The following DNAH5 variants were observed in gnomAD, a reference collection of about 807,000 sequenced individuals.
DNAH5 encodes the protein dynein axonemal heavy chain 5.
A neutral mutation model predicts 518.2 loss-of-function variants in DNAH5; 372 were observed. The observed-to-expected ratio is 0.72, with a 90% CI of 0.66 to 0.78. DNAH5 has a LOEUF of 0.78. Among genes scored for constraint, DNAH5 ranks in the 30% least tolerant of loss-of-function variants. The pLI, the probability that DNAH5 is intolerant of heterozygous loss-of-function variation, is 0.00. For missense variants in DNAH5, 5,523 were observed against 5,687.0 expected (o/e 0.97, Z 0.93); for synonymous variants, 2,039 against 2,025.9 (o/e 1.01, Z -0.17).
intron 60 of DNAH5, among the ~76,000 whole-genome samples, chr5:13,762,499 A>G (rs1237252927): frequency 1.3e-5 from 2 of 152,156 alleles, no homozygotes; most frequent in African/African-American, 4.8e-5. Context: ...GCATCCTTGT[A>G]GAGAGTCTGT....
At chr5:13,824,475 A>G (rs535294506) in intron 38 of DNAH5, 142 bp from the exon 39 acceptor site, 10 of 765,466 alleles carry the variant, frequency 1.3e-5, no homozygotes, top group Non-Finnish European at 2.0e-5. Context: ...ATGGGGTAAA[A>G]TATTTCTATA....
At chr5:13,927,989 C>T (rs1168505286) in intron 3 of DNAH5, 105 bp downstream of exon 3, 19 of 957,474 alleles carry the variant, frequency 2.0e-5, no homozygotes, top group African/African-American at 8.0e-5. Context: ...CCCTCCCGCC[C>T]GCAAGGTGAA....
chr5:13,844,694 C>T lies in DNAH5; in HGVS notation c.5271+143G>A, dbSNP rs979381738. ...ACAGTTCTGAAGGTAAATTGGGCCC[C>T]GAGATTTGTTTTTAGTCACTGGCCA... is the stretch of plus-strand genomic sequence containing the variant. On this transcript the variant is annotated intron_variant, in intron 32 of 78. Transcript: ENST00000265104. The T allele has an allele frequency of 4.5e-5, 46 of 1,022,694 alleles. 1 individual carries two copies. The highest frequency in any genetic ancestry group is 3.0e-4 in the Middle Eastern group (1 of 3,286). The allele number at this position is 1,022,694 out of a possible 1,614,324, so 63.4% of individuals were successfully genotyped here.
chr5:13,701,173 CA>C, intron 77 of DNAH5, 110 bp downstream of exon 77: 1 of 1,472,026 alleles, frequency 6.8e-7, no homozygotes, highest in Non-Finnish European at 9.5e-7. Flanking sequence ...CTGCTAGTAC[CA>C]AAAAGAGACA....
In DNAH5 at chr5:13,904,143, G is replaced by A. The variant is rs975748304; in HGVS notation, c.1645-2005C>T. 2.0e-5 allele frequency among the ~76,000 whole-genome samples: 3 copies of A among 148,780 alleles called. No homozygotes were observed. In the South Asian group the frequency reaches 6.4e-4, roughly 32 times the overall value. ...CAATATTAAAAATATAAATAGAAGA[G>A]GAATAAAGAGAATAACAAAATTTAA... On this transcript the variant is annotated intron_variant, in intron 12 of 78. Transcript: ENST00000265104.
chr5:13,721,203 C>T lies in DNAH5; in HGVS notation c.12076G>A (p.Glu4026Lys), dbSNP rs776854779. Reference sequence around the variant, plus strand: ...TTCTCCAAGTCTAAAATAACACCTTCGGCATATTTTTCTCCCATGGAGTCC... The same window carrying T: ...TTCTCCAAGTCTAAAATAACACCTTTGGCATATTTTTCTCCCATGGAGTCC... ...IVDSMGEKYA[E>K]GVILDLEKTW... Residue 4026 changes from glutamate to lysine, a missense_variant, in exon 71 of 79, where the codon GAA becomes AAA. This residue lies in a region of DNAH5 where 5,121 missense variants were observed against 5,223.3 expected (regional missense o/e 0.98). Coordinates refer to ENST00000265104, the MANE Select transcript of DNAH5 (RefSeq NM_001369.3). 5.0e-5 allele frequency: 80 copies of T among 1,613,996 alleles called. No individual in the cohort carries two copies. The Admixed American group carries it at 8.0e-4, about 16-fold the overall frequency.
intron 51 of DNAH5, among the ~76,000 whole-genome samples, chr5:13,787,784 G>A (rs1349096477): frequency 6.6e-6 from 1 of 152,128 alleles, no homozygotes; most frequent in African/African-American, 2.4e-5. Context: ...TTCTGCAGAA[G>A]GATCATTCCA....
At chr5:13,937,780 C>T (rs551440458) in intron 1 of DNAH5, among the ~76,000 whole-genome samples, 1 of 152,112 alleles carries the variant, frequency 6.6e-6, no homozygotes, top group Non-Finnish European at 1.5e-5. Context: ...CAGTTGCACA[C>T]GTTGAAATGA....
Position 13,807,640 on chromosome 5 carries a change from A to G in DNAH5, c.7838T>C (p.Met2613Thr). The G allele has an allele frequency of 6.2e-7, 1 of 1,612,860 alleles. No individual in the cohort carries two copies. ...FMSKYDPECH[M>T]IKSLNFSSAT... ...AGAAGAAAAATTCAGACTCTTGATC[A>G]TGTGACATTCAGGATCATATTTTGA... The change falls in exon 47 of 79, where the codon ATG (methionine) becomes ACG (threonine). Residue 2613 changes from methionine to threonine, a missense_variant. Transcript: ENST00000265104.
intron 40 of DNAH5, among the ~76,000 whole-genome samples, chr5:13,822,232 A>G (rs917229329): frequency 2.1e-5 from 3 of 143,932 alleles, no homozygotes; most frequent in Non-Finnish European, 4.6e-5. Context: ...CTACATTTTG[A>G]TTTCCTTTTT....
At chr5:13,779,733 C>T (rs1412462010) in intron 53 of DNAH5, among the ~76,000 whole-genome samples, 1 of 152,136 alleles carries the variant, frequency 6.6e-6, no homozygotes, top group Non-Finnish European at 1.5e-5. Flanking sequence ...TGATAAGAAG[C>T]AGCACCATCT....
Position 13,882,961 on chromosome 5 carries a change from C to G in DNAH5, c.3117G>C (p.Glu1039Asp), listed in dbSNP as rs770452474. The change falls in exon 20 of 79, where the codon GAG becomes GAC. Residue 1039 changes from glutamate to aspartate, a missense_variant. Coordinates refer to ENST00000265104, the MANE Select transcript of DNAH5 (RefSeq NM_001369.3). ...CCCCCTTAGGGACACTGATGATGCA[C>G]TCCACGGCTTTGTTCAGGGTCTGCT... ...DVQQTLNKAV[E>D]CIISVPKGVR... 1 of 1,614,166 alleles carries G rather than the reference C, an allele frequency of 6.2e-7. No homozygotes were observed. The highest frequency in any genetic ancestry group is 2.2e-5 in the East Asian group (1 of 44,880).
At chr5:13,740,710 G>C (rs1180013697) in intron 65 of DNAH5, among the ~76,000 whole-genome samples, 2 of 152,104 alleles carry the variant, frequency 1.3e-5, no homozygotes, top group African/African-American at 4.8e-5. Context: ...ATTAGCTGCT[G>C]CTCTGTCAGG....
At chr5:13,712,319 T>A (rs1743595524) in intron 75 of DNAH5, among the ~76,000 whole-genome samples, 1 of 152,012 alleles carries the variant, frequency 6.6e-6, no homozygotes, top group African/African-American at 2.4e-5. Context: ...AAAAATCAAC[T>A]CAAGATGGAT....
At chr5:13,898,557 G>A (rs1183873412) in intron 15 of DNAH5, 3 of 398,362 alleles carry the variant, frequency 7.5e-6, no homozygotes, top group South Asian at 1.3e-4. Flanking sequence ...CTGGGTTCTG[G>A]TCTTACTTCT....
At chr5:13,801,678 GAGCTTTCTAAAGGGCA>G (rs1387689561) in intron 47 of DNAH5, among the ~76,000 whole-genome samples, 1 of 152,114 alleles carries the variant, frequency 6.6e-6, no homozygotes, top group Non-Finnish European at 1.5e-5. Context: ...CAGCCAGAAT[GAGCTTTCTAAAGGGCA>G]ATGCAATCCT....
At position 13,913,089 on chromosome 5, in the gene DNAH5, G is replaced by C. The variant is rs973639552; in HGVS notation, c.1536+654C>G. 3.3e-5 allele frequency among the ~76,000 whole-genome samples: 5 copies of C among 151,834 alleles called. No homozygotes were observed. In the East Asian group the frequency reaches 7.7e-4, roughly 23 times the overall value. On this transcript the variant is annotated intron_variant, in intron 11 of 78. Transcript: ENST00000265104. ...AATTCAAGTACCAAAAAAAATTTAA[G>C]ATTTAGTGTCACTGTCCCCCAAAAA...
chr5:13,791,825 TTC>T (rs1757042246), intron 50 of DNAH5, among the ~76,000 whole-genome samples, 167 bp downstream of exon 50: 1 of 152,226 alleles, frequency 6.6e-6, no homozygotes, highest in Non-Finnish European at 1.5e-5. Context: ...GACTGACATT[TTC>T]TGACATAATT....
Position 13,844,863 on chromosome 5 carries a change from T to C in DNAH5, c.5245A>G (p.Ile1749Val), listed in dbSNP as rs1423005409. ...TTTTCGTGGAACTTGACAGATTTAA[T>C]GTTGTCAAACACATTCAGCAAATGG... Reference protein sequence around the residue: ...QAHLLNVFDNIKSVKFHEKIY... With the variant: ...QAHLLNVFDNVKSVKFHEKIY... Residue 1749 changes from isoleucine (I) to valine (V), a missense_variant, in exon 32 of 79, where the codon ATT becomes GTT. Physicochemically the swap from Ile to Val is conservative, Grantham distance 29. This residue lies in a region of DNAH5 where 5,121 missense variants were observed against 5,223.3 expected (regional missense o/e 0.98). Transcript: ENST00000265104. 3.1e-6 allele frequency: 5 copies of C among 1,614,214 alleles called. No individual in the cohort carries two copies. The highest frequency in any genetic ancestry group is 3.4e-6 in the Non-Finnish European group (4 of 1,180,040).
Sources: gnomAD v4.1 joint callset for allele counts (sites outside exome capture counted in the v4.1 genomes callset) on GRCh38, gnomAD v4.1.1 for gene constraint, gnomAD v4.1.1 regional missense constraint, MANE v1.5 for transcripts, NCBI Gene and HGNC (gene_info 2026-07-23, HGNC 2026-07-21) for gene names.